Variants in ZNF248 observed in about 807,000 individuals in gnomAD.
The protein encoded by ZNF248 is zinc finger protein 248, also known as KRAB protein domain.
ZNF248 carries 20 observed loss-of-function variants against 44.3 expected under a neutral mutation model. The observed-to-expected ratio is 0.45, with a 90% CI of 0.32 to 0.66. The LOEUF is 0.66. Among genes scored for constraint, ZNF248 ranks in the 30% least tolerant of loss-of-function variants. The pLI is 0.04. For synonymous variants in ZNF248, 224 were observed against 229.0 expected, an observed-to-expected ratio of 0.98 and a Z score of 0.20; for missense variants, 654 against 677.0, an observed-to-expected ratio of 0.97 and a Z score of 0.38.
Position 37,819,833 on chromosome 10 carries a change from A to C in ZNF248, c.330+13192T>G, listed in dbSNP as rs1410450825. ...GGCAGGAGGTTTCCGCTTTGCTAAC[A>C]TTTTCCGTTGTCTATCTCTTCCCTC... is the stretch of plus-strand genomic sequence containing the variant. On this transcript the variant is annotated intron_variant, in intron 6 of 6. Transcript: ENST00000615949. The C allele has an allele frequency of 1.0e-5, 8 of 787,148 alleles. No individual in the cohort carries two copies. The African/African-American group carries it at 1.2e-4, about 12-fold the overall frequency. The allele number at this position is 787,148 out of a possible 1,614,324, so 48.8% of individuals were successfully genotyped here.
intron 6 of ZNF248, chr10:37,791,776 C>T (rs1159449038): frequency 1.3e-5 from 2 of 152,158 alleles, no homozygotes; most frequent in African/African-American, 2.4e-5. Context: ...AGAAGCCAAC[C>T]TGAAAGAGCT....
chr10:37,855,239 A>G (rs546403083), intron 3 of ZNF248, among the ~76,000 whole-genome samples: 1 of 152,310 alleles, frequency 6.6e-6, no homozygotes, highest in Non-Finnish European at 1.5e-5. Context: ...TCTCAGCATA[A>G]TTATTTATAG....
chr10:37,778,543 AG>A (rs2046880491), intron 6 of ZNF248, among the ~76,000 whole-genome samples: 1 of 151,994 alleles, frequency 6.6e-6, no homozygotes, highest in Non-Finnish European at 1.5e-5. Flanking sequence ...TAGTTTAATT[AG>A]ATCCCATTTG....
Position 37,829,032 on chromosome 10 carries a change from G to A in ZNF248, c.*2583C>T. On this transcript the variant is annotated 3_prime_UTR_variant, in exon 6 of 6. Transcript: ENST00000395867. ...CTTCTACATAGGAATTTACAGAAAT[G>A]AATAACACTGTGCTGCTTATTCTCC... The A allele has an allele frequency of 1.0e-6, 1 of 985,428 alleles. No homozygotes were observed. The highest frequency in any genetic ancestry group is 1.2e-6 in the Non-Finnish European group (1 of 829,926). 61.0% of individuals were successfully genotyped at this position (985,428 alleles called of 1,614,324 possible). A position where few individuals can be genotyped will look rare whatever the true frequency, so the allele number is the denominator to read the frequency against.
downstream of ZNF248, among the ~76,000 whole-genome samples, chr10:37,825,860 T>G (rs1196757094): frequency 6.6e-6 from 1 of 151,568 alleles, no homozygotes; most frequent in Non-Finnish European, 1.5e-5. Flanking sequence ...AGAAATTAAT[T>G]TGAAGACGAC....
chr10:37,774,244 T>C (rs1277505450), downstream of ZNF248, among the ~76,000 whole-genome samples: 1 of 152,190 alleles, frequency 6.6e-6, no homozygotes, highest in East Asian at 1.9e-4. Flanking sequence ...AGAGAATACA[T>C]TTCTGTTAAC....
chr10:37,784,238 G>C (rs1180211283), intron 6 of ZNF248: 1 of 152,320 alleles, frequency 6.6e-6, no homozygotes, highest in South Asian at 2.1e-4. Flanking sequence ...CCACCATTAT[G>C]CATGTTCTGA....
intron 6 of ZNF248, among the ~76,000 whole-genome samples, chr10:37,804,301 CTG>C (rs1326855752): frequency 6.6e-6 from 1 of 151,752 alleles, no homozygotes. Flanking sequence ...AGTTCATAAA[CTG>C]AGGATTTTCA....
the ZNF248 span, among the ~76,000 whole-genome samples, chr10:37,767,579 G>A: frequency 1.3e-5 from 2 of 152,156 alleles, no homozygotes; most frequent in Non-Finnish European, 2.9e-5. Flanking sequence ...AATGCTGAGA[G>A]ATTTTGTCAC....
chr10:37,778,205 CT>C (rs1482635009), intron 6 of ZNF248, among the ~76,000 whole-genome samples: 1 of 151,580 alleles, frequency 6.6e-6, no homozygotes, highest in Non-Finnish European at 1.5e-5. Flanking sequence ...CTGTTGTTTC[CT>C]GACTTTTTAA....
intron 6 of ZNF248, among the ~76,000 whole-genome samples, chr10:37,809,850 CCTTTTATT>C (rs2051208821): frequency 6.6e-6 from 1 of 150,946 alleles, no homozygotes; most frequent in African/African-American, 2.5e-5. Flanking sequence ...TTCCAGTTTT[CCTTTTATT>C]ATTATTTTCT....
At chr10:37,810,519 G>A (rs2051320969) in intron 6 of ZNF248, among the ~76,000 whole-genome samples, 1 of 152,078 alleles carries the variant, frequency 6.6e-6, no homozygotes, top group Non-Finnish European at 1.5e-5. Flanking sequence ...TAAACTGCAT[G>A]GGTCTGTTAT....
chr10:37,779,293 A>G (rs56167845), intron 6 of ZNF248, among the ~76,000 whole-genome samples: 95 of 152,354 alleles, frequency 6.2e-4, no homozygotes, highest in East Asian at 1.5e-3. Flanking sequence ...GAATCCAGCA[A>G]CACATCAAAA....
chr10:37,780,033 A>G (rs1329396456), intron 6 of ZNF248, among the ~76,000 whole-genome samples: 12 of 150,022 alleles, frequency 8.0e-5, no homozygotes, highest in Non-Finnish European at 1.3e-4. Flanking sequence ...AACAAATGGA[A>G]GAACATTCCA....
chr10:37,821,415 CAA>C (rs2053442772), intron 6 of ZNF248, among the ~76,000 whole-genome samples: 1 of 152,142 alleles, frequency 6.6e-6, no homozygotes, highest in African/African-American at 2.4e-5. Flanking sequence ...TCACTGACTC[CAA>C]AGTCCATGCT....
In ZNF248 at chr10:37,778,386, TG is replaced by T. The variant is rs1471440697; in HGVS notation, c.331-1812del. On this transcript the variant is annotated intron_variant, in intron 6 of 6. Transcript: ENST00000615949. ...TTGCCCACTTTTTGATAGGGTTGTTTGTTTTTTTCTTGTAAATTTGTTTGAG... is the reference window on the plus strand; with the variant it reads ...TTGCCCACTTTTTGATAGGGTTGTTTTTTTTTTCTTGTAAATTTGTTTGAG... Among the ~76,000 whole-genome samples, 305 of 152,316 alleles carry T rather than the reference TG, an allele frequency of 2.0e-3. 1 individual carries two copies. Among genetic ancestry groups the T allele is most frequent in the African/African-American group, 6.9e-3 (285 of 41,564 alleles).
chr10:37,834,199 C>A (rs1229895903), intron 5 of ZNF248, among the ~76,000 whole-genome samples: 1 of 152,062 alleles, frequency 6.6e-6, no homozygotes, highest in Non-Finnish European at 1.5e-5. Flanking sequence ...TCTATAACAT[C>A]TCTACCATTT....
At chr10:37,805,366 T>A (rs1336570474) in intron 6 of ZNF248, among the ~76,000 whole-genome samples, 3 of 152,214 alleles carry the variant, frequency 2.0e-5, no homozygotes, top group African/African-American at 4.8e-5. Context: ...AAACTGGGGA[T>A]AGCCATATTA....
At chr10:37,809,939 A>G (rs986065179) in intron 6 of ZNF248, among the ~76,000 whole-genome samples, 1 of 152,162 alleles carries the variant, frequency 6.6e-6, no homozygotes, top group Admixed American at 6.5e-5. Context: ...TTGAGACTTA[A>G]TTTGTGACCT....
Sources: allele counts gnomAD v4.1 joint callset (sites outside exome capture counted in the v4.1 genomes callset), GRCh38; gene constraint gnomAD v4.1.1; transcripts MANE v1.5; gene names NCBI Gene and HGNC (gene_info 2026-07-23, HGNC 2026-07-21).